Variants in DOCK11 observed in about 807,000 individuals in gnomAD.
DOCK11 encodes dedicator of cytokinesis 11, also known as dedicator of cytokinesis protein 11.
DOCK11 carries 70 observed loss-of-function variants against 169.1 expected under a neutral mutation model. The ratio of observed to expected loss-of-function variants is 0.41; its 90% CI spans 0.34 to 0.51. The LOEUF is 0.51. Ranked by LOEUF, DOCK11 falls within the 20% of genes least tolerant of loss-of-function variation. The pLI, the probability that DOCK11 is intolerant of heterozygous loss-of-function variation, is 0.10. For synonymous variants in DOCK11, 529 were observed against 541.3 expected (o/e 0.98, Z 0.32); for missense variants, 1,166 against 1,538.8 (o/e 0.76, Z 4.05).
intron 23 of DOCK11, among the ~76,000 whole-genome samples, chrX:118,601,477 C>A (rs912152270): frequency 1.8e-4 from 20 of 110,640 alleles, no homozygotes; most frequent in African/African-American, 6.6e-4. Context: ...AAATCCTTTC[C>A]TCAGGTAAAT....
chrX:118,599,707 T>C (rs768366574), intron 23 of DOCK11, among the ~76,000 whole-genome samples: 2 of 112,430 alleles, frequency 1.8e-5, no homozygotes, highest in African/African-American at 6.5e-5. Flanking sequence ...ACCACATGTA[T>C]AGAGGACCTA....
intron 45 of DOCK11, among the ~76,000 whole-genome samples, chrX:118,669,341 A>T (rs1371602745): frequency 1.8e-5 from 2 of 111,913 alleles, no homozygotes; most frequent in Non-Finnish European, 3.8e-5. Context: ...TAGATATCTG[A>T]GCCTATTTGG....
chrX:118,669,807 C>T (rs2016423698), intron 45 of DOCK11, among the ~76,000 whole-genome samples: 1 of 111,946 alleles, frequency 8.9e-6, no homozygotes, highest in African/African-American at 3.3e-5. Context: ...CAGGGCCATG[C>T]TCCCTCTAAG....
rs1556312711 is a variant in DOCK11, at chrX:118,619,497, A to AATATAT, written c.3471+781_3471+786dup. Among the ~76,000 whole-genome samples the AATATAT allele has an allele frequency of 2.6e-3, 235 of 90,812 alleles. 3 individuals are homozygous for AATATAT. The highest frequency in any genetic ancestry group is 9.5e-3 in the African/African-American group (229 of 24,173). The allele number at this position is 90,812 out of a possible 115,157, so 78.9% of individuals were successfully genotyped here. A position where few individuals can be genotyped will look rare whatever the true frequency, so the allele number is the denominator to read the frequency against. On this transcript the variant is annotated intron_variant, in intron 31 of 52. Coordinates refer to ENST00000276202, the MANE Select transcript of DOCK11 (RefSeq NM_144658.4). ...CTCTGTCTCAAAAAAAAAAAAAAAA[A>AATATAT]ATATATATATATATATAGTTTAGTT...
rs540881000 is a variant in DOCK11, at chrX:118,557,876, A to G, written c.559-3507A>G. Among the ~76,000 whole-genome samples, 12 of 108,688 alleles carry G rather than the reference A, an allele frequency of 1.1e-4. No homozygotes were observed. The South Asian group carries it at 4.1e-3, about 37-fold the overall frequency. The allele number at this position is 108,688 out of a possible 115,157, so 94.4% of individuals were successfully genotyped here. A position where few individuals can be genotyped will look rare whatever the true frequency, so the allele number is the denominator to read the frequency against. On this transcript the variant is annotated intron_variant, in intron 6 of 52. Coordinates refer to ENST00000276202, the MANE Select transcript of DOCK11 (RefSeq NM_144658.4). Reference sequence around the variant, plus strand: ...TGGTGAGGATTTTAGATCTTACTGTAAAGTAAGATGGGAAGCCATTGGAGG... The same window carrying G: ...TGGTGAGGATTTTAGATCTTACTGTGAAGTAAGATGGGAAGCCATTGGAGG...
chrX:118,545,982 C>A, intron 5 of DOCK11, 39 bp from the exon 6 acceptor site: 1 of 999,139 alleles, frequency 1.0e-6, no homozygotes, highest in Non-Finnish European at 1.4e-6. Context: ...AGATGGCAGG[C>A]TGGCTGTTGT....
chrX:118,575,146 A>G (rs2013405167), intron 12 of DOCK11, among the ~76,000 whole-genome samples: 1 of 112,041 alleles, frequency 8.9e-6, no homozygotes, highest in Admixed American at 9.5e-5. Flanking sequence ...AAAGAAAGTA[A>G]AAGTCTCCAC....
intron 1 of DOCK11, among the ~76,000 whole-genome samples, chrX:118,512,119 C>G (rs961051288): frequency 1.8e-5 from 2 of 111,487 alleles, no homozygotes; most frequent in African/African-American, 6.5e-5. Flanking sequence ...CCAGGCTGGT[C>G]GCGAACTCCT....
Position 118,545,389 on chromosome X carries a change from T to C in DOCK11, c.459T>C (p.Asp153=), listed in dbSNP as rs138439558. ...VFEIDEDCEK[D]EDSSSLCSQK... ...AGATAGATGAAGACTGTGAGAAAGA[T>C]GAGGTAAGAATGGGGGCAACAGTTG... The change falls in exon 5 of 53, where the codon GAT becomes GAC. Residue 153 remains aspartate, a synonymous_variant. Coordinates refer to ENST00000276202, the MANE Select transcript of DOCK11 (RefSeq NM_144658.4). 89 of 1,187,716 alleles carry C rather than the reference T, an allele frequency of 7.5e-5. No individual in the cohort carries two copies. The African/African-American group carries it at 1.4e-3, about 18-fold the overall frequency.
chrX:118,567,178 G>A lies in DOCK11; in HGVS notation c.951+525G>A, dbSNP rs372873922. Among the ~76,000 whole-genome samples, 643 of 111,576 alleles carry A rather than the reference G, an allele frequency of 5.8e-3. 4 individuals are homozygous for A. The highest frequency in any genetic ancestry group is 0.011 in the South Asian group (31 of 2,713). On this transcript the variant is annotated intron_variant, in intron 9 of 52. Coordinates refer to ENST00000276202, the MANE Select transcript of DOCK11 (RefSeq NM_144658.4). ...GAACCAGTTTTGAAATTGTAGAGAT[G>A]ATTGTCCTGAGTATCTTACCACGAT... is the stretch of plus-strand genomic sequence containing the variant.
intron 14 of DOCK11, among the ~76,000 whole-genome samples, chrX:118,581,119 G>T (rs2013618990): frequency 8.9e-6 from 1 of 112,098 alleles, no homozygotes; most frequent in Non-Finnish European, 1.9e-5. Flanking sequence ...TTGTGGTACA[G>T]CCTGTACAGC....
At chrX:118,496,637 G>A (rs1438050535) in intron 1 of DOCK11, among the ~76,000 whole-genome samples, 1 of 112,192 alleles carries the variant, frequency 8.9e-6, no homozygotes, top group East Asian at 2.8e-4. Context: ...ACTTCCTCCT[G>A]CAACTGGGGA....
At chrX:118,616,781 G>A (rs999382466) in intron 30 of DOCK11, among the ~76,000 whole-genome samples, 1 of 111,982 alleles carries the variant, frequency 8.9e-6, no homozygotes, top group African/African-American at 3.2e-5. Flanking sequence ...AAAAGAGCAA[G>A]ACCAATGCAG....
chrX:118,625,159 G>GT (rs367657403), intron 32 of DOCK11, among the ~76,000 whole-genome samples: 541 of 97,681 alleles, frequency 5.5e-3, no homozygotes, highest in Non-Finnish European at 7.3e-3. Flanking sequence ...GTTAAAACAG[G>GT]TTTTTTTTTT....
intron 35 of DOCK11, among the ~76,000 whole-genome samples, chrX:118,635,732 C>T (rs962222497): frequency 1.8e-5 from 2 of 110,908 alleles, no homozygotes; most frequent in South Asian, 7.7e-4. Context: ...GGATTATAGG[C>T]GCTGGCCACC....
intron 31 of DOCK11, among the ~76,000 whole-genome samples, chrX:118,622,130 C>T (rs1290203784): frequency 9.0e-6 from 1 of 111,530 alleles, no homozygotes; most frequent in Non-Finnish European, 1.9e-5. Flanking sequence ...AAGTAATCCA[C>T]GTGCATGGTG....
intron 30 of DOCK11, among the ~76,000 whole-genome samples, chrX:118,617,823 C>T (rs777370029): frequency 1.0e-3 from 112 of 111,703 alleles, no homozygotes; most frequent in Non-Finnish European, 1.9e-3. Context: ...GCAGAGGTTG[C>T]AGTGAGCTGA....
chrX:118,625,001 C>G (rs2015066624), intron 32 of DOCK11, among the ~76,000 whole-genome samples: 1 of 109,921 alleles, frequency 9.1e-6, no homozygotes, highest in African/African-American at 3.3e-5. Flanking sequence ...CTCAAGGAAT[C>G]CTCCCCTCTC....
intron 46 of DOCK11, among the ~76,000 whole-genome samples, chrX:118,674,264 C>T (rs1181079734): frequency 9.0e-6 from 1 of 110,985 alleles, no homozygotes; most frequent in Non-Finnish European, 1.9e-5. Flanking sequence ...AATCCTCACA[C>T]CTCAGCCTCC....
Sources: gnomAD v4.1 joint callset for allele counts (sites outside exome capture counted in the v4.1 genomes callset) on GRCh38, gnomAD v4.1.1 for gene constraint, MANE v1.5 for transcripts, NCBI Gene and HGNC (gene_info 2026-07-23, HGNC 2026-07-21) for gene names.